Variants in MED25 observed in about 807,000 individuals in gnomAD.
MED25 encodes mediator complex subunit 25, also known as mediator of RNA polymerase II transcription subunit 25.
A neutral mutation model predicts 89.4 loss-of-function variants in MED25; 62 were observed. That is an observed-to-expected ratio of 0.69 (90% confidence interval 0.57 to 0.86). MED25 has a LOEUF of 0.86. Among genes scored for constraint, MED25 ranks in the 40% least tolerant of loss-of-function variants. MED25 has a pLI of 0.00. For missense variants in MED25, 905 were observed against 1,005.2 expected (o/e 0.90, Z 1.35); for synonymous variants, 449 against 427.9 (o/e 1.05, Z -0.61).
rs772212895 is a variant in MED25, at chr19:49,828,482, C to T, written c.339C>T (p.Leu113=). 10 of 1,614,134 alleles carry T rather than the reference C, an allele frequency of 6.2e-6. No homozygotes were observed. Among genetic ancestry groups the T allele is most frequent in the South Asian group, 2.2e-5 (2 of 91,086 alleles). Residue 113 remains leucine (L), a synonymous_variant, in exon 4 of 18, where the codon CTC becomes CTT. Transcript: ENST00000312865. ...GCGGGGGTGGTGAGAGCTGCAGCCT[C>T]ATCGCGGAAGGACTCAGCACAGCCT... ...FMGGGGESCS[L]IAEGLSTALQ...
downstream of MED25, chr19:49,837,036 G>T: frequency 9.7e-7 from 1 of 1,029,206 alleles, no homozygotes; most frequent in Non-Finnish European, 1.5e-6. Flanking sequence ...AACCCCAGGG[G>T]GCATCTCTGT....
chr19:49,819,065 G>A (rs1272291417), intron 2 of MED25, 107 bp from the exon 3 acceptor site: 2 of 1,362,112 alleles, frequency 1.5e-6, no homozygotes, highest in Admixed American at 1.9e-5. Flanking sequence ...AGGAAGCTGA[G>A]GAGTTCCTGG....
At chr19:49,821,573 C>T (rs2073982068) in intron 3 of MED25, among the ~76,000 whole-genome samples, 1 of 151,654 alleles carries the variant, frequency 6.6e-6, no homozygotes, top group South Asian at 2.1e-4. Context: ...TCGAGACCAG[C>T]CTGTCCAACA....
At chr19:49,821,571 A>T (rs1213722933) in intron 3 of MED25, among the ~76,000 whole-genome samples, 1 of 151,880 alleles carries the variant, frequency 6.6e-6, no homozygotes, top group Non-Finnish European at 1.5e-5. Flanking sequence ...GTTCGAGACC[A>T]GCCTGTCCAA....
intron 2 of MED25, 76 bp downstream of exon 2, chr19:49,818,692 G>A: frequency 7.2e-7 from 1 of 1,384,226 alleles, no homozygotes; most frequent in Non-Finnish European, 1.0e-6. Flanking sequence ...GAGGGAGAAA[G>A]GGCTGGGCCT....
chr19:49,836,364 C>T lies in MED25; in HGVS notation c.2104C>T (p.Gln702Ter). Residue 702 changes from glutamine to a stop codon, truncating the protein, a stop_gained, in exon 17 of 18, where the codon CAG becomes TAG. Coordinates refer to ENST00000312865, the MANE Select transcript of MED25 (RefSeq NM_030973.4). LOFTEE classifies it high-confidence loss of function. This position sits in a 1 kb window ranked among gnomAD's most constrained non-coding sequence, Gnocchi z 5.1. ...CCCACTCCTGCATCCACCACCTGCC[C>T]AGTCCTGGCCCGCACAACTTCCCCC... Reference protein sequence around the residue: ...GPPLLHPPPAQSWPAQLPPRA... With the variant: ...GPPLLHPPPA 3 of 1,607,744 alleles carry T rather than the reference C, an allele frequency of 1.9e-6. No homozygotes were observed. The highest frequency in any genetic ancestry group is 2.2e-5 in the South Asian group (2 of 90,220).
rs150534771 is a variant in MED25 at position 49,828,997 on chromosome 19, C to T, written c.432C>T (p.Leu144=). ...GCCAGACGCACCGGGTCTGCCTCCT[C>T]ATCTGCAACTCACCCCCATACTTGT... ...QIGQTHRVCL[L]ICNSPPYLLP... Residue 144 remains leucine, a synonymous_variant, in exon 5 of 18, where the codon CTC becomes CTT. Transcript: ENST00000312865. 1.2e-6 allele frequency: 2 copies of T among 1,614,138 alleles called. No homozygotes were observed. The highest frequency in any genetic ancestry group is 8.5e-7 in the Non-Finnish European group (1 of 1,180,014).
Position 49,835,628 on chromosome 19 carries a change from C to T in MED25, c.1746+23C>T, listed in dbSNP as rs917723900. ...CTGGTGAGGACAGGGCTGGCGGGGT[C>T]GGGGCTGGGTTGGGGAGGCCCCAAG... On this transcript the variant is annotated intron_variant, in intron 15 of 17. Coordinates refer to ENST00000312865, the MANE Select transcript of MED25 (RefSeq NM_030973.4). This position sits in a 1 kb window ranked among gnomAD's most constrained non-coding sequence, Gnocchi z 6.2. The T allele has an allele frequency of 2.1e-5, 32 of 1,555,654 alleles. No individual in the cohort carries two copies. The highest frequency in any genetic ancestry group is 2.7e-5 in the African/African-American group (2 of 73,306).
Position 49,830,452 on chromosome 19 carries a change from C to T in MED25, c.820-59C>T. The T allele has an allele frequency of 3.2e-6, 5 of 1,559,566 alleles. No homozygotes were observed. The highest frequency in any genetic ancestry group is 3.5e-6 in the Non-Finnish European group (4 of 1,132,308). ...ATGGGTGGTGTGACCTCGTGGGATA[C>T]CAGGACTGGGGGGCCATGGTCCTCA... is the stretch of plus-strand genomic sequence containing the variant. On this transcript the variant is annotated intron_variant, in intron 7 of 17. Coordinates refer to ENST00000312865, the MANE Select transcript of MED25 (RefSeq NM_030973.4). This position sits in a 1 kb window ranked among gnomAD's most constrained non-coding sequence, Gnocchi z 4.6.
Position 49,832,319 on chromosome 19 carries a change from C to T in MED25, c.1386C>T (p.Gly462=). 1 of 1,606,478 alleles carries T rather than the reference C, an allele frequency of 6.2e-7. No individual in the cohort carries two copies. Among genetic ancestry groups the T allele is most frequent in the Non-Finnish European group, 8.5e-7 (1 of 1,175,666 alleles). ...TGTGTCTCCCGCAGACCACCCTGGG[C>T]CCTTTGTTCCGGAACTCAAGGATGG... ...LIPQQLLTTL[G]PLFRNSRMVQ... is the part of the protein sequence containing the mutation. The change falls in exon 13 of 18, where the codon GGC becomes GGT. Residue 462 remains glycine, a synonymous_variant. Transcript: ENST00000312865.
Position 49,836,449 on chromosome 19 carries a change from C to G in MED25, c.2146+43C>G. On this transcript the variant is annotated intron_variant, in intron 17 of 17. Coordinates refer to ENST00000312865, the MANE Select transcript of MED25 (RefSeq NM_030973.4). This position sits in a 1 kb window ranked among gnomAD's most constrained non-coding sequence, Gnocchi z 5.1. ...AGGGCAGAGGTCTGGACTGAGTGTC[C>G]CAGCAGCTCCTGGGCTAGAGCACCA... is the stretch of plus-strand genomic sequence containing the variant. 2 of 1,552,470 alleles carry G rather than the reference C, an allele frequency of 1.3e-6. No individual in the cohort carries two copies. Among genetic ancestry groups the G allele is most frequent in the Non-Finnish European group, 1.7e-6 (2 of 1,145,908 alleles).
chr19:49,820,987 CA>C (rs2073977916), intron 3 of MED25, among the ~76,000 whole-genome samples: 1 of 152,214 alleles, frequency 6.6e-6, no homozygotes, highest in Admixed American at 6.5e-5. Flanking sequence ...AGATTACCAC[CA>C]AATAATGGCT....
intron 4 of MED25, among the ~76,000 whole-genome samples, 171 bp downstream of exon 4, chr19:49,828,718 G>A (rs1052580253): frequency 1.3e-5 from 2 of 152,244 alleles, no homozygotes; most frequent in Non-Finnish European, 2.9e-5. Flanking sequence ...CGCCTGGCCA[G>A]TGCCCGGTCT....
rs749606105 is a variant in MED25 at position 49,836,863 on chromosome 19, C to T, written c.2163C>T (p.Ser721=). The T allele has an allele frequency of 1.4e-5, 22 of 1,610,958 alleles. No homozygotes were observed. Among genetic ancestry groups the T allele is most frequent in the South Asian group, 4.4e-5 (4 of 90,654 alleles). The change falls in exon 18 of 18, where the codon AGC becomes AGT. Residue 721 remains serine (S), a synonymous_variant. Coordinates refer to ENST00000312865, the MANE Select transcript of MED25 (RefSeq NM_030973.4). This position sits in a 1 kb window ranked among gnomAD's most constrained non-coding sequence, Gnocchi z 5.1. ...GCCCCTCAGGTCAGATGCTGCTGAGCGGGGGTCCCCGGGGCCCGGTCCCCC... is the reference window on the plus strand; with the variant it reads ...GCCCCTCAGGTCAGATGCTGCTGAGTGGGGGTCCCCGGGGCCCGGTCCCCC... ...RAPLPGQMLL[S]GGPRGPVPQP...
chr19:49,836,981 G>A (rs776934011), downstream of MED25: 25 of 1,518,154 alleles, frequency 1.6e-5, no homozygotes, highest in Admixed American at 1.8e-4. The surrounding 1 kb of genome is among the most constrained non-coding windows in gnomAD (Gnocchi z 5.1). Context: ...TTTAACACAC[G>A]CCCCGGCTCC....
At chr19:49,826,631 A>G (rs1455931733) in intron 3 of MED25, among the ~76,000 whole-genome samples, 1 of 152,232 alleles carries the variant, frequency 6.6e-6, no homozygotes, top group Non-Finnish European at 1.5e-5. Context: ...GGAGGGCTGC[A>G]CAGGGTGCGG....
At position 49,818,302 on chromosome 19, in the gene MED25, G is replaced by A; in HGVS notation, c.-40G>A. ...GCATTTCTGCTCATTCCGCGGCGTC[G>A]GCTGCGGCTGCAGTGGTGGTGGCGG... On this transcript the variant is annotated 5_prime_UTR_variant, in exon 1 of 18. Coordinates refer to ENST00000312865, the MANE Select transcript of MED25 (RefSeq NM_030973.4). 4 of 1,556,006 alleles carry A rather than the reference G, an allele frequency of 2.6e-6. No individual in the cohort carries two copies. Among genetic ancestry groups the A allele is most frequent in the Non-Finnish European group, 3.5e-6 (4 of 1,149,552 alleles).
At chr19:49,833,609 T>A (rs187514837) in intron 13 of MED25, 1 of 152,226 alleles carries the variant, frequency 6.6e-6, no homozygotes, top group African/African-American at 2.4e-5. Flanking sequence ...CCCAAACACA[T>A]AGATAATTGG....
At chr19:49,840,383 T>C (rs2122125202), downstream of MED25, 1 of 152,338 alleles carries the variant, frequency 6.6e-6, no homozygotes, top group South Asian at 2.1e-4. Context: ...GATTTGATGA[T>C]ATTTCTGGCC....
Sources: allele counts gnomAD v4.1 joint callset (sites outside exome capture counted in the v4.1 genomes callset), GRCh38; gene constraint gnomAD v4.1.1; non-coding constraint Gnocchi (gnomAD v3.1); transcripts MANE v1.5; gene names NCBI Gene and HGNC (gene_info 2026-07-23, HGNC 2026-07-21).